Variants in PITRM1 observed in about 807,000 individuals in gnomAD.
PITRM1 encodes presequence protease, mitochondrial.
A neutral mutation model predicts 129.9 loss-of-function variants in PITRM1; 100 were observed. The observed-to-expected ratio is 0.77, with a 90% CI of 0.65 to 0.91. The LOEUF (loss-of-function observed/expected upper bound fraction) is 0.91. PITRM1 is among the 40% of genes least tolerant of loss of function. The pLI is 0.00. For synonymous variants in PITRM1, 591 were observed against 508.8 expected (o/e 1.16, Z -2.17); for missense variants, 1,471 against 1,318.3 (o/e 1.12, Z -1.79).
chr10:3,149,774 T>A lies in PITRM1; in HGVS notation c.1739-21A>T, dbSNP rs1203857735. ...TCCAGCTAGAAAAACAAAAGGGATTTAATTTTTATTGCTGCCAGTAAAATT... is the reference window on the plus strand; with the variant it reads ...TCCAGCTAGAAAAACAAAAGGGATTAAATTTTTATTGCTGCCAGTAAAATT... On this transcript the variant is annotated intron_variant, in intron 15 of 26. Transcript: ENST00000224949. The A allele has an allele frequency of 2.5e-6, 4 of 1,612,742 alleles. No homozygotes were observed. In the African/African-American group the frequency reaches 5.3e-5, roughly 22 times the overall value.
Position 3,148,305 on chromosome 10 carries a change from G to A in PITRM1, c.1872-14C>T, listed in dbSNP as rs773959275. ...CCGCAGCCCAGCCTGACACAGCAGA[G>A]AAGCATCGCCCCGATTACAAGTCAG... On this transcript the variant is annotated splice_polypyrimidine_tract_variant and intron_variant, in intron 16 of 26. Coordinates refer to ENST00000224949, the MANE Select transcript of PITRM1 (RefSeq NM_014889.4). 1 of 1,593,966 alleles carries A rather than the reference G, an allele frequency of 6.3e-7. No individual in the cohort carries two copies. Among genetic ancestry groups the A allele is most frequent in the Non-Finnish European group, 8.5e-7 (1 of 1,170,578 alleles).
intron 22 of PITRM1, 21 bp downstream of exon 22, chr10:3,144,271 C>A (rs1432579681): frequency 5.3e-6 from 8 of 1,495,758 alleles, no homozygotes; most frequent in Non-Finnish European, 7.3e-6. Context: ...GCTGGCAACC[C>A]GGATGGGCTG....
intron 23 of PITRM1, among the ~76,000 whole-genome samples, chr10:3,142,483 A>G (rs371455449): frequency 6.6e-6 from 1 of 152,252 alleles, no homozygotes. Context: ...TTTCCGGGAT[A>G]TAACATGTTT....
intron 7 of PITRM1, among the ~76,000 whole-genome samples, chr10:3,162,703 G>A (rs1347495036): frequency 1.3e-5 from 2 of 152,198 alleles, no homozygotes; most frequent in African/African-American, 2.4e-5. Flanking sequence ...AAGTTCCAGT[G>A]CTCAGGAAAC....
intron 9 of PITRM1, 67 bp downstream of exon 9, chr10:3,159,781 G>T: frequency 2.1e-6 from 2 of 936,204 alleles, no homozygotes; most frequent in South Asian, 1.4e-5. Flanking sequence ...ACTCACTTCC[G>T]AACCTTCTAA....
rs746374213 is a variant in PITRM1, at chr10:3,165,293, G to A, written c.575C>T (p.Pro192Leu). The A allele has an allele frequency of 3.8e-6, 6 of 1,588,292 alleles. No individual in the cohort carries two copies. The Admixed American group carries it at 1.1e-4, about 28-fold the overall frequency. The change falls in exon 6 of 27, where the codon CCC becomes CTC. Residue 192 changes from proline to leucine, a missense_variant. Coordinates refer to ENST00000224949, the MANE Select transcript of PITRM1 (RefSeq NM_014889.4). ...TCCTTTAAAGACCAAGGGCGTCTGG[G>A]GGTCGCTCGGATTCTCATGTTCCAG... Reference protein sequence around the residue: ...WRLEHENPSDPQTPLVFKGVV... With the variant: ...WRLEHENPSDLQTPLVFKGVV...
chr10:3,171,287 A>T (rs1843333358), intron 1 of PITRM1, among the ~76,000 whole-genome samples: 1 of 150,194 alleles, frequency 6.7e-6, no homozygotes, highest in African/African-American at 2.4e-5. Context: ...AACAGGTATT[A>T]TTCAAATAGG....
intron 19 of PITRM1, 21 bp from the exon 20 acceptor site, chr10:3,147,271 T>C: frequency 6.5e-7 from 1 of 1,549,710 alleles, no homozygotes; most frequent in Non-Finnish European, 8.9e-7. Flanking sequence ...GGAAACTCGC[T>C]CAGAGAGAGG....
At chr10:3,138,661 C>G (rs1446476383) in intron 25 of PITRM1, 1 of 631,726 alleles carries the variant, frequency 1.6e-6, no homozygotes, top group Non-Finnish European at 2.9e-6. Flanking sequence ...CCCTAAAGAG[C>G]CCGGACACTG....
At chr10:3,141,601 G>T in intron 23 of PITRM1, 1 of 453,806 alleles carries the variant, frequency 2.2e-6, no homozygotes. Context: ...CATTCAAGCT[G>T]ATTCTAGAAC....
intron 8 of PITRM1, 69 bp downstream of exon 8, chr10:3,160,135 C>T: frequency 2.0e-6 from 3 of 1,525,328 alleles, no homozygotes; most frequent in Non-Finnish European, 2.7e-6. Context: ...ATCCCATCAT[C>T]AATACCCAGT....
At chr10:3,169,953 G>C (rs146630101) in intron 2 of PITRM1, 151 bp downstream of exon 2, 3 of 560,428 alleles carry the variant, frequency 5.4e-6, no homozygotes, top group Admixed American at 3.1e-5. Context: ...CTGTTCAGCC[G>C]AGTAGCTGCC....
intron 25 of PITRM1, 163 bp from the exon 26 acceptor site, chr10:3,138,500 C>G (rs898203352): frequency 5.0e-5 from 32 of 641,998 alleles, no homozygotes; most frequent in Non-Finnish European, 8.7e-5. Flanking sequence ...ACCCCGACCT[C>G]CAGCTCCCAC....
intron 23 of PITRM1, chr10:3,141,667 G>GAC (rs1369115291): frequency 4.2e-6 from 2 of 470,840 alleles, no homozygotes; most frequent in Non-Finnish European, 8.8e-6. Context: ...CTGCAGCACA[G>GAC]ACACAGGCTC....
At chr10:3,166,459 A>C in intron 3 of PITRM1, 79 bp from the exon 4 acceptor site, 2 of 753,378 alleles carry the variant, frequency 2.7e-6, no homozygotes, top group Non-Finnish European at 4.2e-6. Context: ...TCATCACCTC[A>C]GGCTACTAGA....
chr10:3,172,505 C>T (rs1187013161), intron 1 of PITRM1, among the ~76,000 whole-genome samples: 2 of 152,254 alleles, frequency 1.3e-5, no homozygotes, highest in South Asian at 4.1e-4. Flanking sequence ...CCCGGGGCAT[C>T]GCCCCTGGGA....
chr10:3,143,352 G>A, intron 23 of PITRM1, 37 bp downstream of exon 23: 2 of 1,296,808 alleles, frequency 1.5e-6, no homozygotes, highest in Non-Finnish European at 2.2e-6. Context: ...CTTCCGTAAG[G>A]CTCAGGCCTG....
intron 23 of PITRM1, among the ~76,000 whole-genome samples, chr10:3,141,939 C>G (rs1053185478): frequency 6.6e-6 from 1 of 152,182 alleles, no homozygotes; most frequent in Non-Finnish European, 1.5e-5. Flanking sequence ...GAGTCTCCAC[C>G]AGCACCGGCA....
intron 21 of PITRM1, 62 bp from the exon 22 acceptor site, chr10:3,144,428 A>T (rs1840628300): frequency 4.2e-6 from 4 of 946,796 alleles, no homozygotes; most frequent in Non-Finnish European, 6.5e-6. Flanking sequence ...ATATATAAGA[A>T]GTAACAGAGT....
Sources: gnomAD v4.1 joint callset for allele counts (sites outside exome capture counted in the v4.1 genomes callset) on GRCh38, gnomAD v4.1.1 for gene constraint, MANE v1.5 for transcripts, NCBI Gene and HGNC (gene_info 2026-07-23, HGNC 2026-07-21) for gene names.